Variants in EPB41L2 observed in about 807,000 individuals in gnomAD.
EPB41L2 encodes the protein erythrocyte membrane protein band 4.1 like 2.
Under a neutral mutation model 113.0 loss-of-function variants are expected in EPB41L2, and 43 were observed. The observed-to-expected ratio is 0.38, with a 90% confidence interval of 0.30 to 0.49. EPB41L2 has a LOEUF of 0.49. Among genes scored for constraint, EPB41L2 ranks in the 20% least tolerant of loss-of-function variants. The pLI, the probability that EPB41L2 is intolerant of heterozygous loss-of-function variation, is 0.95. For missense variants in EPB41L2, 1,147 were observed against 1,223.4 expected (o/e 0.94, Z 0.93); for synonymous variants, 442 against 436.7 (o/e 1.01, Z -0.15).
At chr6:130,982,471 C>T (rs1779593815) in intron 1 of EPB41L2, among the ~76,000 whole-genome samples, 1 of 152,064 alleles carries the variant, frequency 6.6e-6, no homozygotes. Flanking sequence ...ATTCTGTTAC[C>T]TTTTTGACAG....
chr6:130,870,369 C>A lies in EPB41L2; in HGVS notation c.2044-243G>T, dbSNP rs1178657587. ...GCTCCAGTGCAAGGCCCTTCTGACT[C>A]GGGAGCACGTGTCTGCAGAACAAAA... On this transcript the variant is annotated intron_variant, in intron 14 of 19. Coordinates refer to ENST00000337057, the MANE Select transcript of EPB41L2 (RefSeq NM_001431.4). 20 of 1,550,504 alleles carry A rather than the reference C, an allele frequency of 1.3e-5. No individual in the cohort carries two copies. In the Middle Eastern group the frequency reaches 5.0e-4, roughly 39 times the overall value.
chr6:130,840,223 T>C lies in EPB41L2; in HGVS notation c.*381A>G, dbSNP rs1310545627. ...TTCTGCGCAACAGCACCTGTTCAAG[T>C]GAACAGCACCTTACCAGCTTGGGCT... On this transcript the variant is annotated 3_prime_UTR_variant, in exon 20 of 20. Transcript: ENST00000337057. 1 of 152,628 alleles carries C rather than the reference T, an allele frequency of 6.6e-6. No homozygotes were observed. Among genetic ancestry groups the C allele is most frequent in the Non-Finnish European group, 1.5e-5 (1 of 68,032 alleles). 9.5% of individuals were successfully genotyped at this position (152,628 alleles called of 1,614,324 possible). A position where few individuals can be genotyped will look rare whatever the true frequency, so the allele number is the denominator to read the frequency against.
chr6:131,043,995 A>T (rs1051358472), intron 1 of EPB41L2, among the ~76,000 whole-genome samples: 1 of 148,922 alleles, frequency 6.7e-6, no homozygotes, highest in Non-Finnish European at 1.5e-5. Flanking sequence ...AGTTTTGTAT[A>T]TATTTAAAAC....
At chr6:131,000,693 C>T (rs1270902118) in intron 1 of EPB41L2, 1 of 152,246 alleles carries the variant, frequency 6.6e-6, no homozygotes, top group African/African-American at 2.4e-5. Flanking sequence ...AGGCTGTGAT[C>T]ACTGTTACCA....
At chr6:130,960,425 T>G (rs532344772) in intron 1 of EPB41L2, among the ~76,000 whole-genome samples, 1 of 152,326 alleles carries the variant, frequency 6.6e-6, no homozygotes, top group East Asian at 1.9e-4. Flanking sequence ...CTGAGCTGGT[T>G]GACAGACACT....
intron 1 of EPB41L2, among the ~76,000 whole-genome samples, chr6:130,997,764 G>A (rs577289017): frequency 6.6e-6 from 1 of 152,262 alleles, no homozygotes; most frequent in African/African-American, 2.4e-5. Context: ...GGGGGAAAAG[G>A]CAGTGAAAAT....
chr6:130,872,754 C>T (rs956184763), intron 14 of EPB41L2, among the ~76,000 whole-genome samples: 4 of 152,144 alleles, frequency 2.6e-5, no homozygotes, highest in Non-Finnish European at 4.4e-5. Context: ...TTGATAGTTG[C>T]GACCTCCAGA....
intron 1 of EPB41L2, among the ~76,000 whole-genome samples, chr6:130,977,050 C>G (rs1464013914): frequency 1.3e-5 from 2 of 152,172 alleles, no homozygotes; most frequent in Non-Finnish European, 2.9e-5. Context: ...CGTTATAAAG[C>G]TTACAATTAT....
intron 1 of EPB41L2, among the ~76,000 whole-genome samples, chr6:131,026,974 G>T (rs879403162): frequency 6.6e-6 from 1 of 151,900 alleles, no homozygotes; most frequent in Non-Finnish European, 1.5e-5. Flanking sequence ...CATGTTACTG[G>T]TCTAAAACTT....
intron 1 of EPB41L2, among the ~76,000 whole-genome samples, chr6:131,055,122 C>A (rs1265458757): frequency 1.3e-5 from 2 of 152,142 alleles, no homozygotes; most frequent in African/African-American, 2.4e-5. Flanking sequence ...AAGTAGTTGC[C>A]TCAGGGGAGC....
At position 130,905,368 on chromosome 6, in the gene EPB41L2, C is replaced by A. The variant is rs1290959610; in HGVS notation, c.854-828G>T. Among the ~76,000 whole-genome samples, 4 of 151,386 alleles carry A rather than the reference C, an allele frequency of 2.6e-5. No homozygotes were observed. In the East Asian group the frequency reaches 7.7e-4, roughly 29 times the overall value. ...CTAGCCTGAATTTAGAGTTTGACTT[C>A]AAGTTCATAATATTTTTAAATTAAA... On this transcript the variant is annotated intron_variant, in intron 5 of 19. Coordinates refer to ENST00000337057, the MANE Select transcript of EPB41L2 (RefSeq NM_001431.4).
intron 1 of EPB41L2, among the ~76,000 whole-genome samples, chr6:131,053,120 T>A (rs1796891279): frequency 6.6e-6 from 1 of 151,932 alleles, no homozygotes; most frequent in Non-Finnish European, 1.5e-5. Context: ...GGTCTCAAAC[T>A]CCTGACCTCA....
chr6:130,880,211 GA>G lies in EPB41L2; in HGVS notation c.1834-6del, dbSNP rs1562375947. 1 of 1,601,952 alleles carries G rather than the reference GA, an allele frequency of 6.2e-7. No individual in the cohort carries two copies. Among genetic ancestry groups the G allele is most frequent in the South Asian group, 1.1e-5 (1 of 90,632 alleles). On this transcript the variant is annotated splice_polypyrimidine_tract_variant and splice_region_variant and intron_variant, in intron 12 of 19. Transcript: ENST00000337057. ...TTCTACTCTCAAGGAATTTTTCTGT[GA>G]AATTAAATCACACACAGGGGGGAAA...
intron 3 of EPB41L2, among the ~76,000 whole-genome samples, chr6:130,952,155 G>A (rs779665234): frequency 1.8e-4 from 28 of 152,064 alleles, no homozygotes; most frequent in Non-Finnish European, 3.7e-4. Flanking sequence ...AAGAATCACC[G>A]ATGACAATGT....
chr6:130,951,279 A>AGGGG (rs1482610890), intron 3 of EPB41L2, among the ~76,000 whole-genome samples: 1 of 1,436 alleles, frequency 7.0e-4, no homozygotes, highest in Non-Finnish European at 1.3e-3. Context: ...GGAGGGGGGG[A>AGGGG]GGGGAGGAGA....
chr6:130,921,806 T>C (rs1425361883), intron 4 of EPB41L2, among the ~76,000 whole-genome samples: 4 of 152,210 alleles, frequency 2.6e-5, no homozygotes, highest in African/African-American at 9.6e-5. Context: ...AGCTGGTATT[T>C]AGGACAGGGT....
At chr6:130,964,309 A>G (rs767878446) in intron 1 of EPB41L2, among the ~76,000 whole-genome samples, 4 of 152,184 alleles carry the variant, frequency 2.6e-5, no homozygotes, top group Non-Finnish European at 4.4e-5. Context: ...GGCATGAACC[A>G]CTGCGCCCAG....
At chr6:130,880,386 C>T (rs563290760) in intron 12 of EPB41L2, 180 bp from the exon 13 acceptor site, 2 of 611,946 alleles carry the variant, frequency 3.3e-6, no homozygotes, top group South Asian at 4.0e-5. Context: ...GAGAGTGGAC[C>T]CTCCCCACAC....
intron 18 of EPB41L2, among the ~76,000 whole-genome samples, chr6:130,861,854 A>G (rs1159690592): frequency 6.7e-6 from 1 of 150,198 alleles, no homozygotes; most frequent in Non-Finnish European, 1.5e-5. Flanking sequence ...TCTGGGCACC[A>G]GAGGGAGACT....
Sources: allele counts gnomAD v4.1 joint callset (sites outside exome capture counted in the v4.1 genomes callset), GRCh38; gene constraint gnomAD v4.1.1; transcripts MANE v1.5; gene names NCBI Gene and HGNC (gene_info 2026-07-23, HGNC 2026-07-21).